The following CCNJL variants were observed in gnomAD, a reference collection of about 807,000 sequenced individuals.
CCNJL encodes the protein cyclin J like, also known as cyclin-J-like protein.
CCNJL carries 33 observed loss-of-function variants against 33.4 expected under a neutral mutation model. The observed-to-expected ratio is 0.99, with a 90% CI of 0.75 to 1.32. The LOEUF (loss-of-function observed/expected upper bound fraction) is 1.32. Ranked by LOEUF, CCNJL falls within the 40% of genes most tolerant of loss-of-function variation. CCNJL has a pLI of 0.00. For synonymous variants in CCNJL, 227 were observed against 220.9 expected (o/e 1.03, Z -0.24); for missense variants, 512 against 499.7 (o/e 1.02, Z -0.23).
chr5:160,265,129 G>GC (rs1761517808), intron 3 of CCNJL, among the ~76,000 whole-genome samples: 1 of 152,128 alleles, frequency 6.6e-6, no homozygotes, highest in Non-Finnish European at 1.5e-5. Context: ...CTTGAGCGCG[G>GC]CCCACCCCCA....
chr5:160,316,725 G>T (rs955744747), upstream of CCNJL, among the ~76,000 whole-genome samples: 2 of 152,270 alleles, frequency 1.3e-5, no homozygotes, highest in East Asian at 1.9e-4. Context: ...ACATCCTTGT[G>T]TGCCTTACTG....
At chr5:160,280,230 T>C (rs1430403969) in intron 3 of CCNJL, among the ~76,000 whole-genome samples, 1 of 152,158 alleles carries the variant, frequency 6.6e-6, no homozygotes, top group Non-Finnish European at 1.5e-5. Context: ...AGCCCAAAAC[T>C]GGCTTCGTCA....
intron 2 of CCNJL, among the ~76,000 whole-genome samples, chr5:160,303,850 G>A (rs944775214): frequency 6.6e-6 from 1 of 152,058 alleles, no homozygotes; most frequent in Non-Finnish European, 1.5e-5. Context: ...CCCTTTACCC[G>A]AGGGACTGTG....
upstream of CCNJL, among the ~76,000 whole-genome samples, chr5:160,316,858 T>C (rs1270993514): frequency 1.3e-5 from 2 of 152,376 alleles, no homozygotes; most frequent in African/African-American, 4.8e-5. Context: ...TTTCTAGCCT[T>C]CTGCTTCCAT....
chr5:160,301,823 G>A lies in CCNJL; in HGVS notation c.66+10035C>T, dbSNP rs533246302. ...TGGGTCACTGCAACCTCTGCCTCCC[G>A]GGTTCAAGCAATTCTCCTGCCTCAG... On this transcript the variant is annotated intron_variant, in intron 2 of 5. Coordinates refer to ENST00000257536, the MANE Select transcript of CCNJL (RefSeq NM_001308173.3). Among the ~76,000 whole-genome samples the A allele has an allele frequency of 5.7e-4, 86 of 150,172 alleles. 1 individual carries two copies. The highest frequency in any genetic ancestry group is 2.1e-3 in the African/African-American group (85 of 40,818).
At chr5:160,281,433 T>A (rs1397216245) in intron 2 of CCNJL, 1 of 154,488 alleles carries the variant, frequency 6.5e-6, no homozygotes, top group Non-Finnish European at 1.4e-5. Flanking sequence ...TCAGATATCA[T>A]GATACTTCCC....
intron 2 of CCNJL, among the ~76,000 whole-genome samples, chr5:160,291,076 G>GAGAA (rs1398399155): frequency 6.8e-6 from 1 of 146,296 alleles, no homozygotes; most frequent in Non-Finnish European, 1.5e-5. Context: ...GAAAGAGAGA[G>GAGAA]AGAAAGAAAG....
chr5:160,308,279 A>G (rs1255405752), intron 2 of CCNJL, among the ~76,000 whole-genome samples: 2 of 151,968 alleles, frequency 1.3e-5, no homozygotes, highest in African/African-American at 2.4e-5. Context: ...ACATTGCTGT[A>G]AAACGTTTCT....
chr5:160,275,656 T>C (rs1022966287), intron 3 of CCNJL, among the ~76,000 whole-genome samples: 1 of 152,140 alleles, frequency 6.6e-6, no homozygotes, highest in Admixed American at 6.5e-5. Context: ...GGCTAAATGC[T>C]TTCAGGTTTT....
At chr5:160,319,683 T>G (rs369215341) in intron 1 of CCNJL, among the ~76,000 whole-genome samples, 4 of 152,212 alleles carry the variant, frequency 2.6e-5, no homozygotes, top group East Asian at 3.9e-4. Flanking sequence ...GGAATCCCAG[T>G]ACGTTGGGAG....
At chr5:160,260,788 C>G (rs1332774065) in intron 3 of CCNJL, among the ~76,000 whole-genome samples, 4 of 152,174 alleles carry the variant, frequency 2.6e-5, no homozygotes, top group Non-Finnish European at 4.4e-5. Flanking sequence ...GCCTGGAGCA[C>G]CCTTCCCCAT....
At chr5:160,283,308 CAG>C (rs1762302289) in intron 2 of CCNJL, among the ~76,000 whole-genome samples, 1 of 151,890 alleles carries the variant, frequency 6.6e-6, no homozygotes, top group Non-Finnish European at 1.5e-5. Flanking sequence ...TCCATACAAA[CAG>C]AAAGTAGATT....
At chr5:160,321,059 TTTCTTTCTTTCTTTCTTTCTTTC>T (rs1561812854) in intron 1 of CCNJL, among the ~76,000 whole-genome samples, 1 of 126,332 alleles carries the variant, frequency 7.9e-6, no homozygotes, top group Admixed American at 7.8e-5. Context: ...TCTTTCTTTC[TTTCTTTCTTTCTTTCTTTCTTTC>T]TTTCTTTCCT....
chr5:160,290,065 G>A (rs533654004), intron 2 of CCNJL, among the ~76,000 whole-genome samples: 2 of 152,302 alleles, frequency 1.3e-5, no homozygotes, highest in African/African-American at 2.4e-5. Context: ...AACCTCGGAG[G>A]GGTTAGAAGG....
Position 160,293,681 on chromosome 5 carries a change from C to G in CCNJL, c.67-12943G>C, listed in dbSNP as rs186871166. ...TAAATGCTATGTGCATTTGCTATCT[C>G]CCCACACCCACCCTCCGAGGTGGAA... On this transcript the variant is annotated intron_variant, in intron 2 of 5. Transcript: ENST00000257536. 2.6e-3 allele frequency among the ~76,000 whole-genome samples: 395 copies of G among 152,304 alleles called. 2 individuals carry two copies. The highest frequency in any genetic ancestry group is 9.0e-3 in the African/African-American group (372 of 41,552).
chr5:160,280,524 C>T lies in CCNJL; in HGVS notation c.280+1G>A, dbSNP rs769591969. 1 of 1,611,740 alleles carries T rather than the reference C, an allele frequency of 6.2e-7. No individual in the cohort carries two copies. Among genetic ancestry groups the T allele is most frequent in the Non-Finnish European group, 8.5e-7 (1 of 1,179,734 alleles). On this transcript the variant is annotated splice_donor_variant, in intron 3 of 5. Coordinates refer to ENST00000257536, the MANE Select transcript of CCNJL (RefSeq NM_001308173.3). LOFTEE classifies it high-confidence loss of function. ...GGAGGAAGACGTAGGTTTTCGCTTA[C>T]TTGCAAGCAGGAGGCAGGAGACGGC...
chr5:160,282,769 C>G (rs190532949), intron 2 of CCNJL, among the ~76,000 whole-genome samples: 1 of 151,380 alleles, frequency 6.6e-6, no homozygotes, highest in African/African-American at 2.4e-5. Flanking sequence ...ACCTCACACT[C>G]ATTAGAATGG....
At chr5:160,333,857 A>G (rs982610689) in intron 1 of CCNJL, among the ~76,000 whole-genome samples, 1 of 152,020 alleles carries the variant, frequency 6.6e-6, no homozygotes. Flanking sequence ...CCTCACTCCT[A>G]GAAGAGCTGA....
chr5:160,304,499 C>T (rs1228878951), intron 2 of CCNJL, among the ~76,000 whole-genome samples: 4 of 152,156 alleles, frequency 2.6e-5, no homozygotes, highest in Admixed American at 2.0e-4. Flanking sequence ...GGGCAGACTG[C>T]TTCAGGTCTC....
Sources: gnomAD v4.1 joint callset for allele counts (sites outside exome capture counted in the v4.1 genomes callset) on GRCh38, gnomAD v4.1.1 for gene constraint, MANE v1.5 for transcripts, NCBI Gene and HGNC (gene_info 2026-07-23, HGNC 2026-07-21) for gene names.